Variants in PIWIL2 observed in about 807,000 individuals in gnomAD.
PIWIL2 encodes piwi like RNA-mediated gene silencing 2.
PIWIL2 carries 81 observed loss-of-function variants against 116.5 expected under a neutral mutation model. The observed-to-expected ratio is 0.70, with a 90% CI of 0.58 to 0.84. The LOEUF is 0.84. PIWIL2 is among the 40% of genes least tolerant of loss of function. The probability of loss-of-function intolerance (pLI) is 0.00; values close to 1 mark genes in which losing one functional copy is unlikely to be tolerated. For missense variants in PIWIL2, 1,272 were observed against 1,212.3 expected (o/e 1.05, Z -0.73); for synonymous variants, 489 against 429.5 (o/e 1.14, Z -1.71).
intron 14 of PIWIL2, 118 bp from the exon 15 acceptor site, chr8:22,309,843 G>A: frequency 1.7e-6 from 1 of 599,574 alleles, no homozygotes; most frequent in Non-Finnish European, 3.1e-6. Flanking sequence ...AGTCTCAAAA[G>A]TTCTAACAGG....
At chr8:22,317,506 C>T (rs1006164297) in intron 19 of PIWIL2, among the ~76,000 whole-genome samples, 2 of 152,044 alleles carry the variant, frequency 1.3e-5, no homozygotes, top group African/African-American at 4.8e-5. Flanking sequence ...AAATAAATCT[C>T]CACCAACTCA....
chr8:22,322,911 A>G (rs919142278), intron 20 of PIWIL2, among the ~76,000 whole-genome samples: 5 of 152,020 alleles, frequency 3.3e-5, no homozygotes, highest in Non-Finnish European at 7.4e-5. Flanking sequence ...CACCTTCCCC[A>G]GGCCAGTTGT....
At chr8:22,286,149 T>C (rs1830623428) in intron 6 of PIWIL2, among the ~76,000 whole-genome samples, 1 of 152,226 alleles carries the variant, frequency 6.6e-6, no homozygotes, top group Non-Finnish European at 1.5e-5. Context: ...TGGTTGACTT[T>C]GGCCACAGGA....
At chr8:22,341,995 AGG>A (rs1219096996) in intron 20 of PIWIL2, among the ~76,000 whole-genome samples, 1 of 146,586 alleles carries the variant, frequency 6.8e-6, no homozygotes, top group African/African-American at 2.7e-5. Flanking sequence ...AAAAAAAAAA[AGG>A]TGAATTTTGT....
Position 22,287,739 on chromosome 8 carries a change from A to C in PIWIL2, c.861+94A>C, listed in dbSNP as rs545430957. ...TGCTTTTAAGAGATTGGGTCTTGCT[A>C]TGTTGCCCAGACTGGTCTCGAATTC... On this transcript the variant is annotated intron_variant, in intron 7 of 22. Transcript: ENST00000356766. The C allele has an allele frequency of 3.6e-5, 29 of 808,260 alleles. No homozygotes were observed. In the South Asian group the frequency reaches 3.9e-4, roughly 11 times the overall value. The allele number at this position is 808,260 out of a possible 1,614,324, so 50.1% of individuals were successfully genotyped here. A position where few individuals can be genotyped will look rare whatever the true frequency, so the allele number is the denominator to read the frequency against.
chr8:22,314,261 A>G (rs958624257), intron 16 of PIWIL2, 67 bp from the exon 17 acceptor site: 6 of 758,094 alleles, frequency 7.9e-6, no homozygotes, highest in Admixed American at 3.1e-5. Context: ...AATACTGCCA[A>G]CTAGAGTCCT....
chr8:22,276,479 C>A (rs1175442620), intron 1 of PIWIL2, among the ~76,000 whole-genome samples: 1 of 152,164 alleles, frequency 6.6e-6, no homozygotes, highest in Non-Finnish European at 1.5e-5. Flanking sequence ...CCATGCCCAG[C>A]TAATTTTTGT....
rs577964211 is a variant in PIWIL2 at position 22,344,475 on chromosome 8, T to C, written c.2404-8484T>C. Among the ~76,000 whole-genome samples, 3 of 152,324 alleles carry C rather than the reference T, an allele frequency of 2.0e-5. No individual in the cohort carries two copies. The South Asian group carries it at 6.2e-4, about 32-fold the overall frequency. ...GGAACTCTGTTCTATTGCCTCAGGTTTTTTTGTAAACTTGAAGATTCCTCT... is the reference window on the plus strand; with the variant it reads ...GGAACTCTGTTCTATTGCCTCAGGTCTTTTTGTAAACTTGAAGATTCCTCT... On this transcript the variant is annotated intron_variant, in intron 20 of 22. Transcript: ENST00000356766.
intron 20 of PIWIL2, among the ~76,000 whole-genome samples, chr8:22,327,332 T>G (rs1831747907): frequency 6.6e-6 from 1 of 150,542 alleles, no homozygotes; most frequent in South Asian, 2.1e-4. Context: ...TTCAGTTTTT[T>G]TAAATCATCA....
Position 22,279,662 on chromosome 8 carries a change from T to C in PIWIL2, c.198+78T>C, listed in dbSNP as rs936942311. 7.2e-6 allele frequency: 10 copies of C among 1,388,008 alleles called. No individual in the cohort carries two copies. In the Admixed American group the frequency reaches 1.7e-4, roughly 24 times the overall value. The allele number at this position is 1,388,008 out of a possible 1,614,324, so 86.0% of individuals were successfully genotyped here. ...TCAGAGGAAGTAATGGATTTCAAAG[T>C]GCTTGCAGGGCTGGGCACGGTGGCT... On this transcript the variant is annotated intron_variant, in intron 2 of 22. Transcript: ENST00000356766.
At chr8:22,303,976 C>A (rs768645749) in intron 10 of PIWIL2, 45 bp from the exon 11 acceptor site, 2 of 1,301,854 alleles carry the variant, frequency 1.5e-6, no homozygotes, top group South Asian at 1.3e-5. Context: ...TCATACTGTT[C>A]TGGATATATA....
intron 20 of PIWIL2, among the ~76,000 whole-genome samples, chr8:22,350,705 A>G (rs766803015): frequency 1.3e-5 from 2 of 151,978 alleles, no homozygotes; most frequent in Non-Finnish European, 2.9e-5. Flanking sequence ...GGGGTCATTA[A>G]TATTTGAAAT....
At chr8:22,289,264 T>C (rs1418874498) in intron 8 of PIWIL2, among the ~76,000 whole-genome samples, 1 of 151,896 alleles carries the variant, frequency 6.6e-6, no homozygotes, top group Non-Finnish European at 1.5e-5. Context: ...GTGATTGTCC[T>C]GCCTCAGTCT....
Position 22,279,445 on chromosome 8 carries a change from A to G in PIWIL2, c.59A>G (p.Gln20Arg). The G allele has an allele frequency of 6.2e-7, 1 of 1,614,068 alleles. No individual in the cohort carries two copies. The highest frequency in any genetic ancestry group is 8.5e-7 in the Non-Finnish European group (1 of 1,179,944). The change falls in exon 2 of 23, where the codon CAG becomes CGG. Residue 20 changes from glutamine (Q) to arginine (R), a missense_variant. Gln to Arg is a conservative substitution (Grantham distance 43). Transcript: ENST00000356766. ...TCTCCTATCCACCCATCCCAGTGCC[A>G]GGCTGTACGGATGCCAGGCTGTTGG... The part of the protein sequence containing the change: ...GQSPIHPSQC[Q>R]AVRMPGCWPQ...
intron 4 of PIWIL2, among the ~76,000 whole-genome samples, 166 bp downstream of exon 4, chr8:22,281,681 G>A (rs977907440): frequency 2.0e-5 from 3 of 151,970 alleles, no homozygotes; most frequent in Admixed American, 2.0e-4. Flanking sequence ...AACACAGCTA[G>A]GCATTGGAAA....
intron 10 of PIWIL2, among the ~76,000 whole-genome samples, chr8:22,303,012 A>G (rs1346899256): frequency 1.3e-5 from 2 of 152,208 alleles, no homozygotes; most frequent in African/African-American, 2.4e-5. Context: ...CCCTAGATTA[A>G]GTTTTCTCTA....
At chr8:22,314,650 C>G (rs1042370362) in intron 17 of PIWIL2, among the ~76,000 whole-genome samples, 1 of 152,050 alleles carries the variant, frequency 6.6e-6, no homozygotes, top group South Asian at 2.1e-4. Context: ...TCGCTTGTTC[C>G]GAGGTTGAGT....
chr8:22,286,880 C>T (rs948271878), intron 6 of PIWIL2, among the ~76,000 whole-genome samples: 14 of 151,954 alleles, frequency 9.2e-5, no homozygotes, highest in African/African-American at 3.4e-4. Context: ...CCTCGGCCTC[C>T]CAAAGTGCTG....
intron 21 of PIWIL2, among the ~76,000 whole-genome samples, chr8:22,353,643 G>A (rs936311174): frequency 1.3e-5 from 2 of 150,714 alleles, no homozygotes; most frequent in Non-Finnish European, 3.0e-5. Flanking sequence ...GTCTCAAAAC[G>A]AAACAAAAAA....
Sources: allele counts gnomAD v4.1 joint callset (sites outside exome capture counted in the v4.1 genomes callset), GRCh38; gene constraint gnomAD v4.1.1; transcripts MANE v1.5; gene names NCBI Gene and HGNC (gene_info 2026-07-23, HGNC 2026-07-21).